C12orf75: variants seen among roughly 807,000 people sequenced by gnomAD.
C12orf75 encodes the protein overexpressed in colon carcinoma 1 protein.
A neutral mutation model predicts 11.4 loss-of-function variants in C12orf75; 4 were observed. The observed-to-expected ratio is 0.35, with a 90% confidence interval of 0.17 to 0.80. The LOEUF (loss-of-function observed/expected upper bound fraction) is 0.80, where lower values mean the gene tolerates loss of function less well. Ranked by LOEUF, C12orf75 falls within the 30% of genes least tolerant of loss-of-function variation. The pLI is 0.52. For synonymous variants in C12orf75, 30 were observed against 30.0 expected, an observed-to-expected ratio of 1.00 and a Z score of 0.00; for missense variants, 89 against 80.4, an observed-to-expected ratio of 1.11 and a Z score of -0.41.
At chr12:105,361,761 A>G (rs1892869090) in intron 2 of C12orf75, among the ~76,000 whole-genome samples, 1 of 152,176 alleles carries the variant, frequency 6.6e-6, no homozygotes, top group Admixed American at 6.5e-5. Flanking sequence ...CCCTTTGAAC[A>G]CTGGCAGGAC....
intron 2 of C12orf75, among the ~76,000 whole-genome samples, chr12:105,360,243 G>A (rs925129440): frequency 4.6e-5 from 7 of 152,214 alleles, no homozygotes; most frequent in African/African-American, 1.7e-4. Context: ...TGGTTTGGGG[G>A]ACAAATTTTG....
chr12:105,344,661 G>T (rs928792797), intron 1 of C12orf75, among the ~76,000 whole-genome samples: 2 of 151,336 alleles, frequency 1.3e-5, no homozygotes, highest in East Asian at 1.9e-4. Flanking sequence ...CAGGAGAATC[G>T]CTTGAACCCA....
intron 2 of C12orf75, among the ~76,000 whole-genome samples, chr12:105,357,799 TGTGTGTGTGAGAGA>T (rs1892803956): frequency 6.8e-6 from 1 of 146,010 alleles, no homozygotes; most frequent in African/African-American, 2.6e-5. Flanking sequence ...TGTGTGTGTG[TGTGTGTGTGAGAGA>T]GAGAGAGAGA....
chr12:105,361,264 A>C (rs1366730376), intron 2 of C12orf75, among the ~76,000 whole-genome samples: 2 of 152,152 alleles, frequency 1.3e-5, no homozygotes, highest in Non-Finnish European at 2.9e-5. Flanking sequence ...GAAATTATTA[A>C]GGCAGGTAAA....
intron 1 of C12orf75, among the ~76,000 whole-genome samples, chr12:105,332,631 T>C (rs1487446988): frequency 1.3e-5 from 2 of 151,614 alleles, no homozygotes; most frequent in Non-Finnish European, 2.9e-5. Context: ...TTTGGGAGGC[T>C]GAGGCACGAG....
At chr12:105,345,775 C>T (rs183195934) in intron 1 of C12orf75, among the ~76,000 whole-genome samples, 164 of 144,790 alleles carry the variant, frequency 1.1e-3, no homozygotes, top group African/African-American at 3.8e-3. Context: ...AATTCTGCCT[C>T]AGCCTCCCAA....
rs755095741 is a variant in C12orf75, at chr12:105,370,708, A to G, written c.*108A>G. 1 of 457,646 alleles carries G rather than the reference A, an allele frequency of 2.2e-6. No individual in the cohort carries two copies. The highest frequency in any genetic ancestry group is 4.4e-6 in the Non-Finnish European group (1 of 226,802). 28.3% of individuals were successfully genotyped at this position (457,646 alleles called of 1,614,324 possible). ...GCACAGACATTTCCAAGGAAATTCT[A>G]AACAGTCACCCTTCCCTTTTGCATT... On this transcript the variant is annotated 3_prime_UTR_variant, in exon 6 of 6. Coordinates refer to ENST00000443585, the MANE Select transcript of C12orf75 (RefSeq NM_001145199.2).
chr12:105,359,346 A>G (rs991852498), intron 2 of C12orf75, among the ~76,000 whole-genome samples: 14 of 152,104 alleles, frequency 9.2e-5, no homozygotes, highest in African/African-American at 2.2e-4. Flanking sequence ...TTTATAGTAG[A>G]TTAAGGGGTA....
At chr12:105,343,654 T>G (rs760395359) in intron 1 of C12orf75, among the ~76,000 whole-genome samples, 1 of 152,250 alleles carries the variant, frequency 6.6e-6, no homozygotes, top group Non-Finnish European at 1.5e-5. Context: ...AATAAACTTA[T>G]GCTTTGCATT....
At chr12:105,338,389 GT>G (rs1221512912) in intron 1 of C12orf75, among the ~76,000 whole-genome samples, 30 of 152,236 alleles carry the variant, frequency 2.0e-4, no homozygotes, top group African/African-American at 6.7e-4. Flanking sequence ...GGCCAAGCTG[GT>G]CACAAATTCC....
At chr12:105,360,035 T>C (rs1246921771) in intron 2 of C12orf75, among the ~76,000 whole-genome samples, 139 of 152,206 alleles carry the variant, frequency 9.1e-4, no homozygotes, top group Non-Finnish European at 1.6e-4. Flanking sequence ...CTCCAGGCCC[T>C]GATCTCTGAG....
intron 1 of C12orf75, among the ~76,000 whole-genome samples, chr12:105,333,852 C>A (rs931620299): frequency 3.3e-5 from 5 of 152,090 alleles, no homozygotes; most frequent in African/African-American, 1.2e-4. Context: ...TTTTTTGATG[C>A]ATTAACATAT....
At chr12:105,356,738 G>C (rs1301579282) in intron 2 of C12orf75, among the ~76,000 whole-genome samples, 1 of 151,900 alleles carries the variant, frequency 6.6e-6, no homozygotes, top group African/African-American at 2.4e-5. Flanking sequence ...AGGTCACTTG[G>C]GATAGCTATT....
rs76583350 is a variant in C12orf75 at position 105,349,217 on chromosome 12, C to G, written c.71+591C>G. 6.5e-3 allele frequency among the ~76,000 whole-genome samples: 989 copies of G among 152,310 alleles called. 11 individuals are homozygous for G. The highest frequency in any genetic ancestry group is 0.023 in the African/African-American group (948 of 41,556). On this transcript the variant is annotated intron_variant, in intron 2 of 5. Transcript: ENST00000443585. ...CTCTCTGCATCCTCCTGCCTCTAAT[C>G]TAGCTATAGCAAGGACACTACAGCA...
chr12:105,332,638 C>T (rs900921636), intron 1 of C12orf75, among the ~76,000 whole-genome samples: 4 of 150,554 alleles, frequency 2.7e-5, no homozygotes, highest in African/African-American at 7.4e-5. Flanking sequence ...GGCTGAGGCA[C>T]GAGAATTGCT....
intron 2 of C12orf75, among the ~76,000 whole-genome samples, chr12:105,357,778 C>CTGTGTGTGTGTGTGTGTGTGTGTGTGTG (rs67643973): frequency 7.3e-6 from 1 of 137,246 alleles, no homozygotes; most frequent in Non-Finnish European, 1.6e-5. Flanking sequence ...AATGTATTTT[C>CTGTGTGTGTGTGTGTGTGTGTGTGTGTG]TGTGTGTGTG....
rs190411691 is a variant in C12orf75, at chr12:105,351,240, A to T, written c.71+2614A>T. Among the ~76,000 whole-genome samples the T allele has an allele frequency of 2.7e-3, 418 of 152,220 alleles. 2 individuals carry two copies. Among genetic ancestry groups the T allele is most frequent in the African/African-American group, 9.5e-3 (393 of 41,550 alleles). On this transcript the variant is annotated intron_variant, in intron 2 of 5. Transcript: ENST00000443585. ...ATTATGCACATTAAAATTTTTTTTTAAAATCTAAACAGACTGATTCCCAAA... is the reference window on the plus strand; with the variant it reads ...ATTATGCACATTAAAATTTTTTTTTTAAATCTAAACAGACTGATTCCCAAA...
intron 1 of C12orf75, among the ~76,000 whole-genome samples, chr12:105,340,061 C>T (rs780973215): frequency 3.9e-5 from 6 of 152,208 alleles, no homozygotes; most frequent in African/African-American, 9.6e-5. Context: ...TTAATGTATA[C>T]GACAGGCTGA....
chr12:105,352,949 AAAC>A (rs1196654938), intron 2 of C12orf75, among the ~76,000 whole-genome samples: 5 of 152,232 alleles, frequency 3.3e-5, no homozygotes, highest in African/African-American at 1.2e-4. Context: ...ACACTGAACA[AAAC>A]AAACAAAACA....
Sources: allele counts gnomAD v4.1 joint callset (sites outside exome capture counted in the v4.1 genomes callset), GRCh38; gene constraint gnomAD v4.1.1; transcripts MANE v1.5; gene names NCBI Gene and HGNC (gene_info 2026-07-23, HGNC 2026-07-21).